The following ZSCAN12 variants were observed in gnomAD, a reference collection of about 807,000 sequenced individuals.
ZSCAN12 encodes the protein zinc finger and SCAN domain-containing protein 12.
A neutral mutation model predicts 23.4 loss-of-function variants in ZSCAN12; 18 were observed. The observed-to-expected ratio is 0.77, with a 90% confidence interval of 0.53 to 1.14. The LOEUF (loss-of-function observed/expected upper bound fraction) is 1.14. ZSCAN12 is among the 50% of genes most tolerant of loss of function. The pLI, the probability that ZSCAN12 is intolerant of heterozygous loss-of-function variation, is 0.00. For synonymous variants in ZSCAN12, 186 were observed against 253.4 expected, an observed-to-expected ratio of 0.73 and a Z score of 2.53; for missense variants, 650 against 735.0, an observed-to-expected ratio of 0.88 and a Z score of 1.34.
chr6:28,381,781 ATCTTT>A (rs1760256794), downstream of ZSCAN12: 1 of 152,234 alleles, frequency 6.6e-6, no homozygotes, highest in South Asian at 2.1e-4. Flanking sequence ...CCAAGGTACT[ATCTTT>A]GCCAAAAGCA....
rs907286676 is a variant in ZSCAN12 at position 28,388,949 on chromosome 6, G to A, written c.*1505C>T. Among the ~76,000 whole-genome samples the A allele has an allele frequency of 1.3e-5, 2 of 152,152 alleles. No individual in the cohort carries two copies. Among genetic ancestry groups the A allele is most frequent in the Non-Finnish European group, 1.5e-5 (1 of 68,032 alleles). ...TTGTCCACTAAAATAATCAAGACAGGTTCTCATCCAAAGCAGAATTTTTAC... is the reference window on the plus strand; with the variant it reads ...TTGTCCACTAAAATAATCAAGACAGATTCTCATCCAAAGCAGAATTTTTAC... On this transcript the variant is annotated 3_prime_UTR_variant, in exon 4 of 4. Coordinates refer to ENST00000684592, the MANE Select transcript of ZSCAN12 (RefSeq NM_001163391.2).
chr6:28,382,877 A>T (rs1384892221), downstream of ZSCAN12, among the ~76,000 whole-genome samples: 3 of 152,056 alleles, frequency 2.0e-5, no homozygotes, highest in African/African-American at 7.2e-5. Flanking sequence ...TAAACGGCAG[A>T]GATAAGAACA....
chr6:28,394,084 A>T (rs1186939367), intron 2 of ZSCAN12, among the ~76,000 whole-genome samples: 2 of 152,182 alleles, frequency 1.3e-5, no homozygotes, highest in South Asian at 2.1e-4. Flanking sequence ...TTGCTCCCTC[A>T]GTTAACTCAT....
In ZSCAN12 at chr6:28,391,711, C is replaced by T. The variant is rs1177540360; in HGVS notation, c.579G>A (p.Gly193=). 1.3e-6 allele frequency: 2 copies of T among 1,541,302 alleles called. No individual in the cohort carries two copies. Among genetic ancestry groups the T allele is most frequent in the African/African-American group, 2.7e-5 (2 of 72,736 alleles). Residue 193 remains glycine, a synonymous_variant, in exon 4 of 4, where the codon GGG becomes GGA. Transcript: ENST00000684592. This position sits in a 1 kb window ranked among gnomAD's most constrained non-coding sequence, Gnocchi z 4.1. ...CTTCAGAAACTTCTTGCTTTAAATT[C>T]CCATACTCATTTCCAGTCTCAACAT... ...VLDVETGNEY[G]NLKQEVSEEM...
At chr6:28,383,128 ATTCTGTC>A (rs1760359480), downstream of ZSCAN12, among the ~76,000 whole-genome samples, 1 of 141,094 alleles carries the variant, frequency 7.1e-6, no homozygotes, top group East Asian at 2.0e-4. Flanking sequence ...AGCTAGGTGG[ATTCTGTC>A]TTTTCTTGTA....
chr6:28,389,241 A>C lies in ZSCAN12; in HGVS notation c.*1213T>G, dbSNP rs1407776954. Among the ~76,000 whole-genome samples the C allele has an allele frequency of 1.3e-5, 2 of 152,184 alleles. No homozygotes were observed. Among genetic ancestry groups the C allele is most frequent in the African/African-American group, 4.8e-5 (2 of 41,444 alleles). On this transcript the variant is annotated 3_prime_UTR_variant, in exon 4 of 4. Coordinates refer to ENST00000684592, the MANE Select transcript of ZSCAN12 (RefSeq NM_001163391.2). ...ACAAACAACACAAGGCCTTGCACTC[A>C]GAAGACCCTTGGAATGTAGGTCTGT...
Position 28,390,511 on chromosome 6 carries a change from G to C in ZSCAN12, c.1779C>G (p.Asn593Lys), listed in dbSNP as rs1760758726. ...TAGTCTGATGTTGAGTAAGAGCTGA[G>C]TTCTGCCTGAATGATTTCCCACACT... ...CKECGKSFRQ[N>K]SALTQHQTIH... is the part of the protein sequence containing the mutation. The change falls in exon 4 of 4, where the codon AAC becomes AAG. Residue 593 changes from asparagine to lysine, a missense_variant. Physicochemically the swap from Asn to Lys is moderately conservative, Grantham distance 94. Transcript: ENST00000684592. The C allele has an allele frequency of 1.3e-6, 2 of 1,552,352 alleles. No individual in the cohort carries two copies. Among genetic ancestry groups the C allele is most frequent in the South Asian group, 1.2e-5 (1 of 83,490 alleles).
chr6:28,398,562 G>C, intron 1 of ZSCAN12, 89 bp from the exon 2 acceptor site: 1 of 690,184 alleles, frequency 1.4e-6, no homozygotes, highest in Middle Eastern at 4.1e-4. Context: ...TTTGAAATCT[G>C]ACCTCCGGAT....
Position 28,398,470 on chromosome 6 carries a change from A to G in ZSCAN12, c.-65T>C. 1 of 1,429,312 alleles carries G rather than the reference A, an allele frequency of 7.0e-7. No individual in the cohort carries two copies. The highest frequency in any genetic ancestry group is 1.8e-4 in the Middle Eastern group (1 of 5,432). The allele number at this position is 1,429,312 out of a possible 1,614,324, so 88.5% of individuals were successfully genotyped here. A position where few individuals can be genotyped will look rare whatever the true frequency, so the allele number is the denominator to read the frequency against. The stretch of plus-strand genomic sequence containing the variant: ...TCACCTGGAAACTGTATTCCTGGAC[A>G]GTCCTGAAGAATAAGCCATCATTAT... On this transcript the variant is annotated 5_prime_UTR_variant, in exon 2 of 4. Coordinates refer to ENST00000684592, the MANE Select transcript of ZSCAN12 (RefSeq NM_001163391.2).
intron 2 of ZSCAN12, among the ~76,000 whole-genome samples, chr6:28,397,052 A>G (rs1472955343): frequency 1.3e-5 from 2 of 152,054 alleles, no homozygotes; most frequent in Non-Finnish European, 2.9e-5. Flanking sequence ...CATTGGCTCT[A>G]CTGACATGTT....
intron 2 of ZSCAN12, among the ~76,000 whole-genome samples, chr6:28,394,409 T>C (rs1183541551): frequency 1.3e-5 from 2 of 152,232 alleles, no homozygotes; most frequent in Non-Finnish European, 2.9e-5. Context: ...CTGCCTCTAT[T>C]TCCCTGATAC....
chr6:28,389,350 T>C lies in ZSCAN12; in HGVS notation c.*1104A>G, dbSNP rs1561956500. ...TTTTTTGGCATGATGGGGGTCTAAT[T>C]CCTTGTTCACTCCAAAGAGCTGATG... is the stretch of plus-strand genomic sequence containing the variant. On this transcript the variant is annotated 3_prime_UTR_variant, in exon 4 of 4. Transcript: ENST00000684592. 6.6e-6 allele frequency among the ~76,000 whole-genome samples: 1 copy of C among 152,098 alleles called. No individual in the cohort carries two copies. Among genetic ancestry groups the C allele is most frequent in the Non-Finnish European group, 1.5e-5 (1 of 68,008 alleles).
rs1354398037 is a variant in ZSCAN12, at chr6:28,388,744, GAA to G, written c.*1708_*1709del. ...CACTAACCAGCTAGAAGTGTGAAGA[GAA>G]GAGAGGACTGGAGTTGTGTTGGGGT... On this transcript the variant is annotated 3_prime_UTR_variant, in exon 4 of 4. Transcript: ENST00000684592. Among the ~76,000 whole-genome samples, 1 of 152,222 alleles carries G rather than the reference GAA, an allele frequency of 6.6e-6. No homozygotes were observed. Among genetic ancestry groups the G allele is most frequent in the African/African-American group, 2.4e-5 (1 of 41,460 alleles).
At chr6:28,392,589 G>A (rs1760902226) in intron 3 of ZSCAN12, among the ~76,000 whole-genome samples, 1 of 152,086 alleles carries the variant, frequency 6.6e-6, no homozygotes, top group Admixed American at 6.5e-5. Context: ...AGGATATAGT[G>A]CAAGTGGAAG....
rs1167018252 is a variant in ZSCAN12 at position 28,384,988 on chromosome 6, T to C, written c.*5466A>G. Among the ~76,000 whole-genome samples, 1 of 152,228 alleles carries C rather than the reference T, an allele frequency of 6.6e-6. No homozygotes were observed. The highest frequency in any genetic ancestry group is 1.5e-5 in the Non-Finnish European group (1 of 68,036). ...GAACAACAAGCATTTGCTCAAATTC[T>C]GGCCTTGTGGAGTTAGGAGGGTCAC... On this transcript the variant is annotated 3_prime_UTR_variant, in exon 4 of 4. Transcript: ENST00000684592.
Position 28,393,759 on chromosome 6 carries a change from G to A in ZSCAN12, c.403-713C>T, listed in dbSNP as rs893898603. Among the ~76,000 whole-genome samples the A allele has an allele frequency of 2.7e-5, 4 of 146,184 alleles. No individual in the cohort carries two copies. In the South Asian group the frequency reaches 8.8e-4, roughly 32 times the overall value. The stretch of plus-strand genomic sequence containing the variant: ...TCCAAAAAAAAAAAAAAAAAAGGTT[G>A]AAGGGAACAAATGAGGAGAAAGAAA... On this transcript the variant is annotated intron_variant, in intron 2 of 3. Transcript: ENST00000684592.
At chr6:28,399,610 A>G (rs921343925) in intron 1 of ZSCAN12, 47 bp downstream of exon 1, 2 of 152,434 alleles carry the variant, frequency 1.3e-5, no homozygotes, top group African/African-American at 4.8e-5. Context: ...GAATACAGCA[A>G]TCTCCCGCCC....
chr6:28,390,793 A>ACATTTATAGG lies in ZSCAN12; in HGVS notation c.1487_1496dup (p.Asp500LeufsTer2). On this transcript the variant is annotated stop_gained and frameshift_variant, in exon 4 of 4. Transcript: ENST00000684592. LOFTEE classifies it low-confidence loss of function (END_TRUNC). ...GAGTAAACGCCTTCCCACACTTATCACATTTATAGGGTCTTTCTCCAGTGT... is the reference window on the plus strand; with the variant it reads ...GAGTAAACGCCTTCCCACACTTATCACATTTATAGGCATTTATAGGGTCTTTCTCCAGTGT... The ACATTTATAGG allele has an allele frequency of 6.2e-7, 1 of 1,601,956 alleles. No homozygotes were observed. Among genetic ancestry groups the ACATTTATAGG allele is most frequent in the Non-Finnish European group, 8.5e-7 (1 of 1,173,778 alleles).
At position 28,387,623 on chromosome 6, in the gene ZSCAN12, T is replaced by C. The variant is rs1320827679; in HGVS notation, c.*2831A>G. Reference sequence around the variant, plus strand: ...TAAGGACCCTTTACCTATTCCTCCATGTAGGCTAATTTTAGAGCAGAGATA... The same window carrying C: ...TAAGGACCCTTTACCTATTCCTCCACGTAGGCTAATTTTAGAGCAGAGATA... On this transcript the variant is annotated 3_prime_UTR_variant, in exon 4 of 4. Transcript: ENST00000684592. Among the ~76,000 whole-genome samples the C allele has an allele frequency of 1.3e-5, 2 of 152,224 alleles. No homozygotes were observed.
Sources: allele counts gnomAD v4.1 joint callset (sites outside exome capture counted in the v4.1 genomes callset), GRCh38; gene constraint gnomAD v4.1.1; non-coding constraint Gnocchi (gnomAD v3.1); transcripts MANE v1.5; gene names NCBI Gene and HGNC (gene_info 2026-07-23, HGNC 2026-07-21).